Variants in ABLIM2 observed in about 807,000 individuals in gnomAD.
ABLIM2 encodes the protein actin-binding LIM protein 2.
Under a neutral mutation model 97.7 loss-of-function variants are expected in ABLIM2, and 53 were observed. The ratio of observed to expected loss-of-function variants is 0.54; its 90% CI spans 0.44 to 0.68. The LOEUF (loss-of-function observed/expected upper bound fraction) is 0.68. Ranked by LOEUF, ABLIM2 falls within the 30% of genes least tolerant of loss-of-function variation. ABLIM2 has a pLI of 0.00. For missense variants in ABLIM2, 835 were observed against 867.2 expected (o/e 0.96, Z 0.47); for synonymous variants, 361 against 345.8 (o/e 1.04, Z -0.49).
At chr4:7,983,632 C>T in intron 18 of ABLIM2, 78 bp from the exon 19 acceptor site, 1 of 1,548,194 alleles carries the variant, frequency 6.5e-7, no homozygotes, top group South Asian at 1.2e-5. Flanking sequence ...GCAATCCCTG[C>T]CCTGGGGTAC....
In ABLIM2 at chr4:8,106,766, C is replaced by T. The variant is rs556418252; in HGVS notation, c.11-129G>A. The T allele has an allele frequency of 1.1e-3, 1,301 of 1,141,966 alleles. 1 individual carries two copies. The highest frequency in any genetic ancestry group is 9.1e-4 in the Non-Finnish European group (757 of 830,890). The allele number at this position is 1,141,966 out of a possible 1,614,324, so 70.7% of individuals were successfully genotyped here. A position where few individuals can be genotyped will look rare whatever the true frequency, so the allele number is the denominator to read the frequency against. On this transcript the variant is annotated intron_variant, in intron 1 of 20. Transcript: ENST00000447017. ...CCCGCACCCACCAGCACGAGCCGCA[C>T]GGGGCATCGGGGTCGGTCTGTTGTC...
intron 7 of ABLIM2, among the ~76,000 whole-genome samples, chr4:8,057,239 C>A (rs890616025): frequency 3.3e-5 from 5 of 151,954 alleles, no homozygotes; most frequent in Non-Finnish European, 7.4e-5. Flanking sequence ...GCTGGGATTA[C>A]AGGCATGCGC....
rs1437779263 is a variant in ABLIM2 at position 8,045,388 on chromosome 4, C to G, written c.823-147G>C. The G allele has an allele frequency of 4.1e-6, 3 of 725,862 alleles. No homozygotes were observed. In the East Asian group the frequency reaches 8.0e-5, roughly 19 times the overall value. The allele number at this position is 725,862 out of a possible 1,614,324, so 45.0% of individuals were successfully genotyped here. A position where few individuals can be genotyped will look rare whatever the true frequency, so the allele number is the denominator to read the frequency against. On this transcript the variant is annotated intron_variant, in intron 8 of 20. Coordinates refer to ENST00000447017, the MANE Select transcript of ABLIM2 (RefSeq NM_001130083.2). ...GGGCTGGGCCGGGCACGGCGGCTCA[C>G]GCCTATAATCCCAGCACTTTGGGAG... is the stretch of plus-strand genomic sequence containing the variant.
rs2152930161 is a variant in ABLIM2, at chr4:8,130,848, G to A, written c.11-24211C>T. Among the ~76,000 whole-genome samples the A allele has an allele frequency of 6.6e-6, 1 of 152,336 alleles. No homozygotes were observed. Among genetic ancestry groups the A allele is most frequent in the South Asian group, 2.1e-4 (1 of 4,826 alleles). On this transcript the variant is annotated intron_variant, in intron 1 of 20. Coordinates refer to ENST00000447017, the MANE Select transcript of ABLIM2 (RefSeq NM_001130083.2). This position sits in a 1 kb window ranked among gnomAD's most constrained non-coding sequence, Gnocchi z 4.2. ...GGCCGAGCTCCCCGAAGGCTCTAGGGCAGGCTGTCCTTGCCTTGCCTGGCT... is the reference window on the plus strand; with the variant it reads ...GGCCGAGCTCCCCGAAGGCTCTAGGACAGGCTGTCCTTGCCTTGCCTGGCT...
rs944433389 is a variant in ABLIM2 at position 8,071,169 on chromosome 4, C to T, written c.675+6459G>A. Among the ~76,000 whole-genome samples the T allele has an allele frequency of 4.7e-5, 5 of 106,332 alleles. No individual in the cohort carries two copies. The highest frequency in any genetic ancestry group is 2.0e-4 in the Admixed American group (2 of 10,038). The allele number at this position is 106,332 out of a possible 152,430, so 69.8% of individuals were successfully genotyped here. On this transcript the variant is annotated intron_variant, in intron 6 of 20. Transcript: ENST00000447017. The surrounding 1 kb of genome is among the most constrained non-coding windows in gnomAD (Gnocchi z 6.2). ...GTCCCAGCTCCCTCTGTGGGGGCAG[C>T]GCCATCCGTCCCCAGCAGCTGGCTC...
At chr4:8,029,291 G>A (rs1380509822) in intron 11 of ABLIM2, among the ~76,000 whole-genome samples, 2 of 152,122 alleles carry the variant, frequency 1.3e-5, no homozygotes, top group East Asian at 1.9e-4. Context: ...GCCGGCCAAC[G>A]TCTGCTCTCC....
chr4:8,155,015 T>C lies in ABLIM2; in HGVS notation c.10+3665A>G, dbSNP rs552939306. 6.6e-6 allele frequency among the ~76,000 whole-genome samples: 1 copy of C among 152,286 alleles called. No homozygotes were observed. Among genetic ancestry groups the C allele is most frequent in the Non-Finnish European group, 1.5e-5 (1 of 68,034 alleles). The stretch of plus-strand genomic sequence containing the variant: ...GCCTTAATCACCACCATGAGAACAG[T>C]ATGGGGGAAACCACCCCTGTGATTC... On this transcript the variant is annotated intron_variant, in intron 1 of 20. Transcript: ENST00000447017. This position sits in a 1 kb window ranked among gnomAD's most constrained non-coding sequence, Gnocchi z 4.2.
At position 8,127,681 on chromosome 4, in the gene ABLIM2, T is replaced by C. The variant is rs1848620894; in HGVS notation, c.11-21044A>G. On this transcript the variant is annotated intron_variant, in intron 1 of 20. Coordinates refer to ENST00000447017, the MANE Select transcript of ABLIM2 (RefSeq NM_001130083.2). This position sits in a 1 kb window ranked among gnomAD's most constrained non-coding sequence, Gnocchi z 7.3. ...GGAGTGGACCGGGGAAGAGCCTCTG[T>C]GGCCCACAGGGCTCCCACAAGGTCA... is the stretch of plus-strand genomic sequence containing the variant. 5 of 1,266,578 alleles carry C rather than the reference T, an allele frequency of 3.9e-6. No individual in the cohort carries two copies. The highest frequency in any genetic ancestry group is 5.1e-6 in the Non-Finnish European group (5 of 972,694). The allele number at this position is 1,266,578 out of a possible 1,614,324, so 78.5% of individuals were successfully genotyped here.
At chr4:8,118,361 T>C (rs1412426419) in intron 1 of ABLIM2, among the ~76,000 whole-genome samples, 2 of 152,088 alleles carry the variant, frequency 1.3e-5, no homozygotes, top group African/African-American at 2.4e-5. Context: ...TCCCACAGGG[T>C]TGTAGGGAGG....
rs553226008 is a variant in ABLIM2 at position 8,060,914 on chromosome 4, G to A, written c.763+53C>T. ...CACACCCAGCATGTGTGTGGACATC[G>A]AAGAGGGTAGTTCCTTGCTCTAGGG... On this transcript the variant is annotated intron_variant, in intron 7 of 20. Coordinates refer to ENST00000447017, the MANE Select transcript of ABLIM2 (RefSeq NM_001130083.2). 2.6e-4 allele frequency: 374 copies of A among 1,456,572 alleles called. 6 individuals are homozygous for A. The South Asian group carries it at 4.2e-3, about 16-fold the overall frequency. 90.2% of individuals were successfully genotyped at this position (1,456,572 alleles called of 1,614,324 possible).
chr4:8,094,174 CTTTTTA>C (rs1296723661), intron 3 of ABLIM2, among the ~76,000 whole-genome samples: 1 of 152,140 alleles, frequency 6.6e-6, no homozygotes, highest in African/African-American at 2.4e-5. Context: ...CCAGTGGTTT[CTTTTTA>C]TATCTTCCAT....
chr4:7,995,215 C>T (rs1752408472), intron 16 of ABLIM2, among the ~76,000 whole-genome samples: 1 of 152,254 alleles, frequency 6.6e-6, no homozygotes, highest in Non-Finnish European at 1.5e-5. Context: ...AACTGTCTGT[C>T]TTTCCACTAG....
chr4:8,135,453 T>C (rs1185991357), intron 1 of ABLIM2, among the ~76,000 whole-genome samples: 1 of 152,214 alleles, frequency 6.6e-6, no homozygotes, highest in Non-Finnish European at 1.5e-5. Context: ...AGGTGATTAG[T>C]TCATGAGTGT....
At chr4:8,062,807 C>T (rs887947126) in intron 6 of ABLIM2, among the ~76,000 whole-genome samples, 1 of 152,100 alleles carries the variant, frequency 6.6e-6, no homozygotes, top group Non-Finnish European at 1.5e-5. Context: ...AAATAAAAGT[C>T]ACCAGGTATC....
chr4:8,080,501 C>A lies in ABLIM2; in HGVS notation c.581+175G>T, dbSNP rs552617589. ...GAAGGGGGACATAAGGCTGTTGGGA[C>A]AAATTCGCTGAGCTCTGAGCCATGC... On this transcript the variant is annotated intron_variant, in intron 5 of 20. Coordinates refer to ENST00000447017, the MANE Select transcript of ABLIM2 (RefSeq NM_001130083.2). 2.0e-5 allele frequency among the ~76,000 whole-genome samples: 3 copies of A among 152,278 alleles called. No individual in the cohort carries two copies. In the South Asian group the frequency reaches 6.2e-4, roughly 32 times the overall value.
rs868588408 is a variant in ABLIM2, at chr4:8,094,101, T to C, written c.338+2998A>G. Among the ~76,000 whole-genome samples, 12 of 152,344 alleles carry C rather than the reference T, an allele frequency of 7.9e-5. 1 individual carries two copies. The South Asian group carries it at 2.1e-3, about 26-fold the overall frequency. On this transcript the variant is annotated intron_variant, in intron 3 of 20. Transcript: ENST00000447017. ...ATATTTTCTTCCAAAATACCCAATC[T>C]ACTGCTAATTCCTTTCAGGAGATTT...
chr4:8,063,057 A>C (rs1244591615), intron 6 of ABLIM2, among the ~76,000 whole-genome samples: 1 of 152,146 alleles, frequency 6.6e-6, no homozygotes, highest in African/African-American at 2.4e-5. Context: ...TCAAGGGAGA[A>C]CACTGCTGGG....
At chr4:8,035,340 C>A (rs925975642) in intron 10 of ABLIM2, among the ~76,000 whole-genome samples, 3 of 152,144 alleles carry the variant, frequency 2.0e-5, no homozygotes, top group African/African-American at 7.2e-5. Context: ...GCATCGAACG[C>A]GCTGCCCTGG....
chr4:8,157,696 T>C (rs1227165789), intron 1 of ABLIM2, among the ~76,000 whole-genome samples: 1 of 152,248 alleles, frequency 6.6e-6, no homozygotes, highest in East Asian at 1.9e-4. Flanking sequence ...TTCTGCACCA[T>C]GGCCAAGGGC....
Sources: allele counts gnomAD v4.1 joint callset (sites outside exome capture counted in the v4.1 genomes callset), GRCh38; gene constraint gnomAD v4.1.1; non-coding constraint Gnocchi (gnomAD v3.1); transcripts MANE v1.5; gene names NCBI Gene and HGNC (gene_info 2026-07-23, HGNC 2026-07-21).